KLHL5: variants seen among roughly 807,000 people sequenced by gnomAD.
KLHL5 encodes the protein kelch-like protein 5.
In KLHL5, 48 loss-of-function variants were observed where a neutral mutation model predicts 77.7. That is an observed-to-expected ratio of 0.62 (90% CI 0.49 to 0.79). The LOEUF (loss-of-function observed/expected upper bound fraction) is 0.79. Ranked by LOEUF, KLHL5 falls within the 30% of genes least tolerant of loss-of-function variation. The pLI is 0.00. For synonymous variants in KLHL5, 260 were observed against 297.0 expected (o/e 0.88, Z 1.28); for missense variants, 723 against 859.7 (o/e 0.84, Z 1.99).
At chr4:39,093,565 C>G (rs1577704183) in intron 5 of KLHL5, 1 of 382,322 alleles carries the variant, frequency 2.6e-6, no homozygotes, top group Non-Finnish European at 5.1e-6. Context: ...AGGATACACT[C>G]TGACCAGAAA....
chr4:39,093,395 A>T, intron 5 of KLHL5: 1 of 455,944 alleles, frequency 2.2e-6, no homozygotes, highest in South Asian at 1.5e-5. Context: ...AGGTGATGAA[A>T]ATGTTTCAAA....
chr4:39,089,728 T>G (rs1720348167), intron 5 of KLHL5, among the ~76,000 whole-genome samples: 1 of 152,194 alleles, frequency 6.6e-6, no homozygotes, highest in Admixed American at 6.5e-5. Context: ...TCAGCACTAC[T>G]GGGGAACTTC....
At chr4:39,068,273 G>GAAA (rs113947688) in intron 1 of KLHL5, among the ~76,000 whole-genome samples, 8 of 147,930 alleles carry the variant, frequency 5.4e-5, no homozygotes, top group African/African-American at 2.0e-4. Context: ...TTCCTCTAAT[G>GAAA]AAAAAAAAAA....
intron 1 of KLHL5, among the ~76,000 whole-genome samples, chr4:39,069,473 TAC>T (rs57779550): frequency 0.015 from 1,046 of 69,492 alleles, 12 homozygotes; most frequent in South Asian, 0.032. Context: ...TATATATATA[TAC>T]ACACACACAC....
chr4:39,141,603 G>T, the KLHL5 span, among the ~76,000 whole-genome samples: 2 of 152,034 alleles, frequency 1.3e-5, no homozygotes, highest in Admixed American at 1.3e-4. Flanking sequence ...GAGCCACCGA[G>T]CCCGGCCTAT....
chr4:39,114,586 G>C (rs6829234), intron 9 of KLHL5, among the ~76,000 whole-genome samples: 80,227 of 151,994 alleles, frequency 0.53, 21,730 homozygotes, highest in Non-Finnish European at 0.59. Context: ...GAAAACAATT[G>C]AGACCTATGC....
At chr4:39,106,961 C>T (rs1040055318) in intron 7 of KLHL5, among the ~76,000 whole-genome samples, 1 of 151,274 alleles carries the variant, frequency 6.6e-6, no homozygotes, top group African/African-American at 2.4e-5. Context: ...CCAGGCTGAC[C>T]TCAGAAGAGA....
chr4:39,133,293 A>G, the KLHL5 span, among the ~76,000 whole-genome samples: 1 of 152,138 alleles, frequency 6.6e-6, no homozygotes, highest in African/African-American at 2.4e-5. Context: ...TTGTGCTTTA[A>G]GATTTGAGCT....
chr4:39,050,409 A>G (rs1411826641), intron 1 of KLHL5, among the ~76,000 whole-genome samples: 1 of 152,234 alleles, frequency 6.6e-6, no homozygotes, highest in Non-Finnish European at 1.5e-5. Context: ...TGGCACCAAT[A>G]ACAGAAAGCT....
At chr4:39,134,431 C>T in the KLHL5 span, among the ~76,000 whole-genome samples, 4 of 152,124 alleles carry the variant, frequency 2.6e-5, no homozygotes, top group Admixed American at 6.5e-5. Context: ...GTTAATGATA[C>T]GCAAACTAGC....
chr4:39,126,409 G>C (rs1309284160), downstream of KLHL5, among the ~76,000 whole-genome samples: 1 of 152,118 alleles, frequency 6.6e-6, no homozygotes, highest in Non-Finnish European at 1.5e-5. Context: ...ATGTAGGAGA[G>C]TACCGTGTTT....
At position 39,048,406 on chromosome 4, in the gene KLHL5, G is replaced by A. The variant is rs1003023268; in HGVS notation, c.-95+3310G>A. On this transcript the variant is annotated intron_variant, in intron 1 of 11. Coordinates refer to the KLHL5 transcript ENST00000261425. ...ATTGCTTCACTCCATTTATGAGAAA[G>A]GGGTTTGCTGAGTATACCAGGCAGG... Among the ~76,000 whole-genome samples the A allele has an allele frequency of 7.9e-4, 120 of 152,184 alleles. 1 individual carries two copies. Among genetic ancestry groups the A allele is most frequent in the Non-Finnish European group, 1.9e-4 (13 of 68,030 alleles).
chr4:39,126,393 C>T (rs1025516617), downstream of KLHL5, among the ~76,000 whole-genome samples: 4 of 152,148 alleles, frequency 2.6e-5, no homozygotes, highest in African/African-American at 9.7e-5. Context: ...TGTCCTCATT[C>T]CTGAGATGTA....
chr4:39,142,112 A>G, the KLHL5 span, among the ~76,000 whole-genome samples: 5 of 152,354 alleles, frequency 3.3e-5, no homozygotes, highest in Admixed American at 1.3e-4. Context: ...CATCTGAATC[A>G]TGACAGAGAT....
At chr4:39,117,706 A>T (rs1722937759) in intron 10 of KLHL5, among the ~76,000 whole-genome samples, 1 of 152,156 alleles carries the variant, frequency 6.6e-6, no homozygotes, top group Non-Finnish European at 1.5e-5. Context: ...AGAAAGAATG[A>T]AGATTTGTCA....
At chr4:39,139,390 A>G in the KLHL5 span, among the ~76,000 whole-genome samples, 78,137 of 151,700 alleles carry the variant, frequency 0.52, 20,781 homozygotes, top group Non-Finnish European at 0.59. Context: ...GGGTTAGGGG[A>G]GAGGGAAGGA....
chr4:39,138,422 A>T, the KLHL5 span, among the ~76,000 whole-genome samples: 1 of 152,242 alleles, frequency 6.6e-6, no homozygotes, highest in South Asian at 2.1e-4. Context: ...CTATGCAGCC[A>T]TAAAAAATAA....
At chr4:39,113,428 C>T (rs1329843946) in intron 9 of KLHL5, among the ~76,000 whole-genome samples, 196 bp downstream of exon 9, 1 of 152,154 alleles carries the variant, frequency 6.6e-6, no homozygotes, top group Non-Finnish European at 1.5e-5. Flanking sequence ...TGAGCATGCA[C>T]TACATGCAAG....
In KLHL5 at chr4:39,062,672, A is replaced by T. The variant is rs766220856; in HGVS notation, c.20A>T (p.Glu7Val). ...CTGAGGATGTCTGGTTCTCGTAAAGAGTTTGATGTGAAACAGATTTTGAAA... is the reference window on the plus strand; with the variant it reads ...CTGAGGATGTCTGGTTCTCGTAAAGTGTTTGATGTGAAACAGATTTTGAAA... MSGSRK[E>V]FDVKQILKIR... is the part of the protein sequence containing the mutation. The change falls in exon 1 of 11, where the codon GAG becomes GTG. Residue 7 changes from glutamate (E) to valine (V), a missense_variant. Coordinates refer to ENST00000504108, the MANE Select transcript of KLHL5 (RefSeq NM_015990.5). 13 of 1,613,990 alleles carry T rather than the reference A, an allele frequency of 8.1e-6. No homozygotes were observed. In the South Asian group the frequency reaches 1.4e-4, roughly 18 times the overall value.
Sources: allele counts gnomAD v4.1 joint callset (sites outside exome capture counted in the v4.1 genomes callset), GRCh38; gene constraint gnomAD v4.1.1; transcripts MANE v1.5; gene names NCBI Gene and HGNC (gene_info 2026-07-23, HGNC 2026-07-21).